Variants in KIAA1614 observed in about 807,000 individuals in gnomAD.
KIAA1614 encodes uncharacterized protein KIAA1614.
KIAA1614 carries 76 observed loss-of-function variants against 88.7 expected under a neutral mutation model. The ratio of observed to expected loss-of-function variants is 0.86; its 90% CI spans 0.71 to 1.04. The LOEUF (loss-of-function observed/expected upper bound fraction) is 1.04, where lower values mean the gene tolerates loss of function less well. Ranked by LOEUF, KIAA1614 falls within the 50% of genes least tolerant of loss-of-function variation. The probability of loss-of-function intolerance (pLI) is 0.00; values close to 1 mark genes in which losing one functional copy is unlikely to be tolerated. For synonymous variants in KIAA1614, 714 were observed against 675.5 expected, an observed-to-expected ratio of 1.06 and a Z score of -0.88; for missense variants, 1,553 against 1,582.5, an observed-to-expected ratio of 0.98 and a Z score of 0.32.
chr1:180,916,814 G>A lies in KIAA1614; in HGVS notation c.711G>A (p.Arg237=). ...AAATCATCCACATTCCCAGCCCAAG[G>A]ACAGGAAGGTCCTACCCTTTTCCAG... ...CNKIIHIPSP[R]TGRSYPFPDG... is the part of the protein sequence containing the mutation. The change falls in exon 2 of 9, where the codon AGG becomes AGA. Residue 237 remains arginine (R), a synonymous_variant. Transcript: ENST00000367588. 1 of 1,614,228 alleles carries A rather than the reference G, an allele frequency of 6.2e-7. No individual in the cohort carries two copies. The highest frequency in any genetic ancestry group is 8.5e-7 in the Non-Finnish European group (1 of 1,180,036).
intron 4 of KIAA1614, among the ~76,000 whole-genome samples, chr1:180,932,591 A>C (rs1207345464): frequency 1.3e-5 from 2 of 152,240 alleles, no homozygotes; most frequent in African/African-American, 4.8e-5. Flanking sequence ...TGTGAGTTCC[A>C]GAAAACAGGC....
intron 5 of KIAA1614, among the ~76,000 whole-genome samples, chr1:180,936,881 C>T (rs757976059): frequency 1.8e-4 from 28 of 152,154 alleles, no homozygotes; most frequent in African/African-American, 6.0e-4. Context: ...GATTGACCGC[C>T]GGCCTGGAGG....
intron 3 of KIAA1614, among the ~76,000 whole-genome samples, chr1:180,921,000 A>G (rs543522310): frequency 1.5e-3 from 227 of 152,264 alleles, no homozygotes; most frequent in African/African-American, 5.4e-3. Context: ...TTCCCATTTT[A>G]TCCTAATAAC....
chr1:180,916,247 C>A lies in KIAA1614; in HGVS notation c.144C>A (p.His48Gln). The A allele has an allele frequency of 6.2e-7, 1 of 1,613,192 alleles. No homozygotes were observed. The highest frequency in any genetic ancestry group is 8.5e-7 in the Non-Finnish European group (1 of 1,179,814). Residue 48 changes from histidine (H) to glutamine (Q), a missense_variant, in exon 2 of 9, where the codon CAC becomes CAA. Transcript: ENST00000367588. ...CTGAGCCACAGCTGGATAACGGACA[C>A]CCCCCAAGACCCTGGCCTTGCCCTC... ...SGPEPQLDNG[H>Q]PPRPWPCPQE...
Position 180,913,234 on chromosome 1 carries a change from T to C in KIAA1614, c.-10T>C. On this transcript the variant is annotated 5_prime_UTR_variant, in exon 1 of 9. Transcript: ENST00000367588. ...AGAAGGGGCTGGAGAGGGCCTGGCC[T>C]CTCCGAGGGATGGAGGGGACAGAGG... is the stretch of plus-strand genomic sequence containing the variant. 1 of 1,262,684 alleles carries C rather than the reference T, an allele frequency of 7.9e-7. No individual in the cohort carries two copies. The highest frequency in any genetic ancestry group is 1.0e-6 in the Non-Finnish European group (1 of 997,880). 78.2% of individuals were successfully genotyped at this position (1,262,684 alleles called of 1,614,324 possible). A position where few individuals can be genotyped will look rare whatever the true frequency, so the allele number is the denominator to read the frequency against.
chr1:180,920,468 C>T (rs945751767), intron 3 of KIAA1614, among the ~76,000 whole-genome samples: 1 of 152,200 alleles, frequency 6.6e-6, no homozygotes, highest in African/African-American at 2.4e-5. Flanking sequence ...TCAGTCAGGA[C>T]GTGCTCTGGC....
Position 180,945,921 on chromosome 1 carries a change from A to T in KIAA1614, c.*333A>T, listed in dbSNP as rs1333047379. ...GGAGTTCGAGACCAGTCTGGCCCACATGGTGAAACCCATGTCTACTAAAAA... is the reference window on the plus strand; with the variant it reads ...GGAGTTCGAGACCAGTCTGGCCCACTTGGTGAAACCCATGTCTACTAAAAA... On this transcript the variant is annotated 3_prime_UTR_variant, in exon 9 of 9. Transcript: ENST00000367588. The T allele has an allele frequency of 2.1e-6, 1 of 481,958 alleles. No homozygotes were observed. The highest frequency in any genetic ancestry group is 2.8e-6 in the Non-Finnish European group (1 of 354,220). 29.9% of individuals were successfully genotyped at this position (481,958 alleles called of 1,614,324 possible).
At chr1:180,937,524 A>C (rs1654361192) in intron 5 of KIAA1614, among the ~76,000 whole-genome samples, 2 of 151,998 alleles carry the variant, frequency 1.3e-5, no homozygotes, top group Non-Finnish European at 2.9e-5. Flanking sequence ...CAGGTGACCA[A>C]CTCTGCCGCT....
At chr1:180,941,623 G>C (rs903784117) in intron 7 of KIAA1614, among the ~76,000 whole-genome samples, 1 of 152,192 alleles carries the variant, frequency 6.6e-6, no homozygotes, top group African/African-American at 2.4e-5. Flanking sequence ...GTGACTCTGA[G>C]CCCAGGCACA....
rs537897798 is a variant in KIAA1614, at chr1:180,924,820, G to A, written c.1062-3610G>A. Among the ~76,000 whole-genome samples the A allele has an allele frequency of 7.3e-5, 11 of 151,586 alleles. No homozygotes were observed. In the East Asian group the frequency reaches 1.4e-3, roughly 19 times the overall value. On this transcript the variant is annotated intron_variant, in intron 3 of 8. Coordinates refer to ENST00000367588, the MANE Select transcript of KIAA1614 (RefSeq NM_020950.2). The stretch of plus-strand genomic sequence containing the variant: ...TCACAGGTGACTTTAGTACATATTC[G>A]GGGATTCCATCCTTTGCTTAGTAAG...
chr1:180,927,713 C>T (rs369560278), intron 3 of KIAA1614, among the ~76,000 whole-genome samples: 2 of 152,128 alleles, frequency 1.3e-5, no homozygotes, highest in Non-Finnish European at 2.9e-5. Context: ...GGAGGCAGCA[C>T]ATCTGGTAGG....
Position 180,941,081 on chromosome 1 carries a change from C to G in KIAA1614, c.2955C>G (p.Pro985=). The change falls in exon 7 of 9, where the codon CCC becomes CCG. Residue 985 remains proline (P), a synonymous_variant. Transcript: ENST00000367588. ...GAGCTGGCACAGGACCCGGCTCCCCCTCGGCTGCCCCTTTGGACCAGAACA... is the reference window on the plus strand; with the variant it reads ...GAGCTGGCACAGGACCCGGCTCCCCGTCGGCTGCCCCTTTGGACCAGAACA... ...SAGAGTGPGS[P]SAAPLDQNKK... is the part of the protein sequence containing the mutation. 6.2e-7 allele frequency: 1 copy of G among 1,611,898 alleles called. No homozygotes were observed. The highest frequency in any genetic ancestry group is 8.5e-7 in the Non-Finnish European group (1 of 1,179,362).
intron 1 of KIAA1614, 51 bp downstream of exon 1, chr1:180,913,344 G>A (rs1360816517): frequency 2.5e-6 from 3 of 1,190,914 alleles, no homozygotes; most frequent in East Asian, 6.4e-5. Flanking sequence ...GTGGCGGACC[G>A]GCGGGGCGGA....
At position 180,916,929 on chromosome 1, in the gene KIAA1614, T is replaced by C. The variant is rs752372270; in HGVS notation, c.826T>C (p.Trp276Arg). 3 of 1,614,190 alleles carry C rather than the reference T, an allele frequency of 1.9e-6. No homozygotes were observed. Among genetic ancestry groups the C allele is most frequent in the South Asian group, 2.2e-5 (2 of 91,080 alleles). ...VPRTALLGER[W>R]RAGDLEALGA... ...CAGGACGGCCCTGCTGGGTGAGCGCTGGAGAGCTGGAGACCTGGAGGCTCT... is the reference window on the plus strand; with the variant it reads ...CAGGACGGCCCTGCTGGGTGAGCGCCGGAGAGCTGGAGACCTGGAGGCTCT... The change falls in exon 2 of 9, where the codon TGG becomes CGG. Residue 276 changes from tryptophan to arginine, a missense_variant. Coordinates refer to ENST00000367588, the MANE Select transcript of KIAA1614 (RefSeq NM_020950.2).
rs753228172 is a variant in KIAA1614, at chr1:180,916,756, C to G, written c.653C>G (p.Pro218Arg). 1 of 1,614,208 alleles carries G rather than the reference C, an allele frequency of 6.2e-7. No individual in the cohort carries two copies. Among genetic ancestry groups the G allele is most frequent in the Non-Finnish European group, 8.5e-7 (1 of 1,180,034 alleles). The stretch of plus-strand genomic sequence containing the variant: ...CAGAGCCCGATCCATGGAGTTACTC[C>G]CGGACGGCCTGGGGGTCCTGGTCAT... ...LQQSPIHGVT[P>R]GRPGGPGHCN... The change falls in exon 2 of 9, where the codon CCC becomes CGC. Residue 218 changes from proline (P) to arginine (R), a missense_variant. Pro to Arg is a moderately radical substitution (Grantham distance 103, BLOSUM62 -2). Coordinates refer to ENST00000367588, the MANE Select transcript of KIAA1614 (RefSeq NM_020950.2).
chr1:180,938,807 C>A, intron 6 of KIAA1614, 96 bp downstream of exon 6: 1 of 1,111,000 alleles, frequency 9.0e-7, no homozygotes, highest in Non-Finnish European at 1.3e-6. Context: ...CATGACCCAC[C>A]TCCCTGCCCC....
chr1:180,917,808 T>A, intron 2 of KIAA1614, 43 bp from the exon 3 acceptor site: 1 of 1,553,090 alleles, frequency 6.4e-7, no homozygotes, highest in African/African-American at 1.4e-5. Context: ...GAGAGCCCTG[T>A]TTCTGGCTCT....
In KIAA1614 at chr1:180,935,527, G is replaced by A. The variant is rs1356206644; in HGVS notation, c.1618G>A (p.Gly540Ser). The A allele has an allele frequency of 1.3e-6, 2 of 1,559,632 alleles. No homozygotes were observed. Among genetic ancestry groups the A allele is most frequent in the Non-Finnish European group, 1.7e-6 (2 of 1,155,876 alleles). ...PGSERRCQACGSCIDDPRPAQ... is the reference protein window; with the variant it reads ...PGSERRCQACSSCIDDPRPAQ... ...CAGCGAGAGGAGGTGCCAGGCCTGC[G>A]GCAGCTGCATCGACGACCCGCGCCC... Residue 540 changes from glycine to serine, a missense_variant, in exon 5 of 9, where the codon GGC (glycine) becomes AGC (serine). By Grantham distance (56) the Gly-to-Ser change is moderately conservative. Transcript: ENST00000367588. This position sits in a 1 kb window ranked among gnomAD's most constrained non-coding sequence, Gnocchi z 6.1.
chr1:180,948,016 T>A lies in KIAA1614; in HGVS notation c.*2428T>A, dbSNP rs538734663. 5.4e-4 allele frequency: 81 copies of A among 150,874 alleles called. No individual in the cohort carries two copies. Among genetic ancestry groups the A allele is most frequent in the African/African-American group, 2.0e-3 (81 of 41,192 alleles). The allele number at this position is 150,874 out of a possible 1,614,324, so 9.3% of individuals were successfully genotyped here. On this transcript the variant is annotated 3_prime_UTR_variant, in exon 9 of 9. Transcript: ENST00000367588. ...CTCCCTTGTAGGCAGTGGGAGCCCC[T>A]CCCTGTCACCCGTCAGGGAGCTCTG...
Sources: allele counts gnomAD v4.1 joint callset (sites outside exome capture counted in the v4.1 genomes callset), GRCh38; gene constraint gnomAD v4.1.1; non-coding constraint Gnocchi (gnomAD v3.1); transcripts MANE v1.5; gene names NCBI Gene and HGNC (gene_info 2026-07-23, HGNC 2026-07-21).